The following CORIN variants were observed in gnomAD, a reference collection of about 807,000 sequenced individuals.
The protein encoded by CORIN is corin, serine peptidase.
In CORIN, 117 loss-of-function variants were observed where a neutral mutation model predicts 125.3. The ratio of observed to expected loss-of-function variants is 0.93; its 90% CI spans 0.80 to 1.09. The LOEUF (loss-of-function observed/expected upper bound fraction) is 1.09. CORIN is among the 50% of genes least tolerant of loss of function. The pLI is 0.00. For missense variants in CORIN, 1,253 were observed against 1,306.7 expected, an observed-to-expected ratio of 0.96 and a Z score of 0.63; for synonymous variants, 450 against 466.4, an observed-to-expected ratio of 0.96 and a Z score of 0.45.
At chr4:47,628,381 C>G (rs1162899295) in intron 16 of CORIN, among the ~76,000 whole-genome samples, 2 of 151,478 alleles carry the variant, frequency 1.3e-5, no homozygotes, top group Non-Finnish European at 2.9e-5. Flanking sequence ...ATATGTATAC[C>G]TTGTGAAATG....
At chr4:47,703,159 T>C (rs975523529) in intron 5 of CORIN, among the ~76,000 whole-genome samples, 1 of 152,172 alleles carries the variant, frequency 6.6e-6, no homozygotes, top group East Asian at 1.9e-4. Flanking sequence ...TCTGAAGCCC[T>C]AGGTCAGCAC....
At chr4:47,665,928 T>C (rs1191267725) in intron 10 of CORIN, among the ~76,000 whole-genome samples, 6 of 152,222 alleles carry the variant, frequency 3.9e-5, no homozygotes, top group Admixed American at 3.9e-4. Flanking sequence ...TATTCCCTTA[T>C]GACACCAGAT....
Position 47,665,171 on chromosome 4 carries a change from C to G in CORIN, c.1450G>C (p.Glu484Gln), listed in dbSNP as rs781385938. 12 of 1,613,968 alleles carry G rather than the reference C, an allele frequency of 7.4e-6. No homozygotes were observed. The highest frequency in any genetic ancestry group is 1.0e-5 in the Non-Finnish European group (12 of 1,179,898). Residue 484 changes from glutamate (E) to glutamine (Q), a missense_variant, in exon 11 of 22, where the codon GAA (glutamate) becomes CAA (glutamine). Coordinates refer to ENST00000273857, the MANE Select transcript of CORIN (RefSeq NM_006587.4). ...GAAGACTCCCAGCTGATGGATGCTT[C>G]CTTTTGAGTCCTGTGGCCAAAATAA... ...PNYFGHRTQK[E>Q]ASISWESSLF...
intron 12 of CORIN, among the ~76,000 whole-genome samples, chr4:47,655,793 T>C (rs901798743): frequency 2.0e-5 from 3 of 147,672 alleles, no homozygotes; most frequent in South Asian, 2.1e-4. Context: ...ATCCAAAATC[T>C]GAACAGAACA....
chr4:47,704,925 C>T (rs1726479336), intron 5 of CORIN, among the ~76,000 whole-genome samples: 1 of 152,116 alleles, frequency 6.6e-6, no homozygotes, highest in Non-Finnish European at 1.5e-5. Context: ...AGCACGTAGT[C>T]GCTGTGAGGC....
chr4:47,826,178 C>G (rs993468095), intron 1 of CORIN, among the ~76,000 whole-genome samples: 10 of 152,196 alleles, frequency 6.6e-5, no homozygotes, highest in African/African-American at 2.2e-4. Context: ...TGCACAAAAA[C>G]CCTAGGAATG....
intron 5 of CORIN, among the ~76,000 whole-genome samples, chr4:47,706,215 G>A (rs1388262332): frequency 6.6e-6 from 1 of 152,164 alleles, no homozygotes; most frequent in Non-Finnish European, 1.5e-5. Flanking sequence ...ATTTCTCACC[G>A]TGGTATCCAG....
intron 10 of CORIN, among the ~76,000 whole-genome samples, chr4:47,669,719 C>T (rs1298658861): frequency 2.0e-5 from 3 of 152,088 alleles, no homozygotes; most frequent in African/African-American, 7.2e-5. Context: ...CAGGTGCCCA[C>T]CACCACGTCC....
chr4:47,732,131 T>C (rs1186909796), intron 5 of CORIN, among the ~76,000 whole-genome samples: 1 of 152,094 alleles, frequency 6.6e-6, no homozygotes, highest in Non-Finnish European at 1.5e-5. Flanking sequence ...AGAAAATATA[T>C]AAGATGTTGA....
At position 47,656,210 on chromosome 4, in the gene CORIN, C is replaced by T. The variant is rs1723971993; in HGVS notation, c.1736-2550G>A. 2.1e-5 allele frequency among the ~76,000 whole-genome samples: 3 copies of T among 145,098 alleles called. No individual in the cohort carries two copies. The South Asian group carries it at 6.4e-4, about 31-fold the overall frequency. On this transcript the variant is annotated intron_variant, in intron 12 of 21. Coordinates refer to ENST00000273857, the MANE Select transcript of CORIN (RefSeq NM_006587.4). ...CTCCCTTGTCGCCCAGGCTGGAGTGCAATGGCATGATCTTGGCTCACTGCA... is the reference window on the plus strand; with the variant it reads ...CTCCCTTGTCGCCCAGGCTGGAGTGTAATGGCATGATCTTGGCTCACTGCA...
At chr4:47,829,727 T>C (rs1732895216) in intron 1 of CORIN, among the ~76,000 whole-genome samples, 1 of 152,152 alleles carries the variant, frequency 6.6e-6, no homozygotes, top group Non-Finnish European at 1.5e-5. Flanking sequence ...ACCATGCATC[T>C]GGTGTCAGGA....
chr4:47,750,329 T>TGGAA (rs1728842790), intron 4 of CORIN, among the ~76,000 whole-genome samples: 1 of 152,292 alleles, frequency 6.6e-6, no homozygotes, highest in South Asian at 2.1e-4. Context: ...AGATAAATAA[T>TGGAA]GGAAGCATTT....
chr4:47,687,913 G>A (rs1463053967), intron 6 of CORIN, among the ~76,000 whole-genome samples: 3 of 152,098 alleles, frequency 2.0e-5, no homozygotes, highest in East Asian at 1.9e-4. Flanking sequence ...GTTTCTCAAC[G>A]GCAGTATCAT....
At chr4:47,699,857 G>A (rs144769032) in intron 5 of CORIN, among the ~76,000 whole-genome samples, 308 of 152,260 alleles carry the variant, frequency 2.0e-3, no homozygotes, top group African/African-American at 7.1e-3. Context: ...GCCCTTCTGC[G>A]GAAAATAATC....
At chr4:47,748,334 A>T (rs1424313711) in intron 4 of CORIN, among the ~76,000 whole-genome samples, 1 of 152,234 alleles carries the variant, frequency 6.6e-6, no homozygotes, top group African/African-American at 2.4e-5. Context: ...ACTTTAAAAC[A>T]GCTCTGCACA....
chr4:47,674,265 A>C, intron 10 of CORIN, 128 bp downstream of exon 10: 2 of 678,608 alleles, frequency 2.9e-6, no homozygotes, highest in Admixed American at 2.7e-5. Context: ...ACCTTTTAAA[A>C]AGAAAAAGAA....
chr4:47,775,525 A>G (rs1375320454), intron 3 of CORIN, among the ~76,000 whole-genome samples: 1 of 152,158 alleles, frequency 6.6e-6, no homozygotes, highest in Non-Finnish European at 1.5e-5. Context: ...AGCTTCATCC[A>G]TGTCCCTACA....
At chr4:47,783,051 C>T (rs917303012) in intron 3 of CORIN, among the ~76,000 whole-genome samples, 7 of 151,972 alleles carry the variant, frequency 4.6e-5, no homozygotes, top group Admixed American at 2.0e-4. Context: ...TTCAGCACAT[C>T]AATTTACTCT....
At chr4:47,614,508 C>T (rs1234517451) in intron 19 of CORIN, among the ~76,000 whole-genome samples, 1 of 152,050 alleles carries the variant, frequency 6.6e-6, no homozygotes, top group Non-Finnish European at 1.5e-5. Flanking sequence ...CCTTTACCTC[C>T]AATTTCTATA....
Sources: gnomAD v4.1 joint callset for allele counts (sites outside exome capture counted in the v4.1 genomes callset) on GRCh38, gnomAD v4.1.1 for gene constraint, MANE v1.5 for transcripts, NCBI Gene and HGNC (gene_info 2026-07-23, HGNC 2026-07-21) for gene names.